The following ZHX2 variants were observed in gnomAD, a reference collection of about 807,000 sequenced individuals.
ZHX2 encodes the protein zinc fingers and homeoboxes protein 2.
Under a neutral mutation model 21.9 loss-of-function variants are expected in ZHX2, and 6 were observed. The observed-to-expected ratio is 0.27, with a 90% CI of 0.15 to 0.54. The LOEUF (loss-of-function observed/expected upper bound fraction) is 0.54, where lower values mean the gene tolerates loss of function less well. Ranked by LOEUF, ZHX2 falls within the 20% of genes least tolerant of loss-of-function variation. The pLI, the probability that ZHX2 is intolerant of heterozygous loss-of-function variation, is 0.95. For synonymous variants in ZHX2, 434 were observed against 437.1 expected, an observed-to-expected ratio of 0.99 and a Z score of 0.09; for missense variants, 908 against 1,090.7, an observed-to-expected ratio of 0.83 and a Z score of 2.36.
chr8:122,881,857 A>C (rs1273738891), intron 2 of ZHX2, among the ~76,000 whole-genome samples: 2 of 152,132 alleles, frequency 1.3e-5, no homozygotes, highest in African/African-American at 2.4e-5. Context: ...GACTCTCACT[A>C]TCCAAAAGTA....
chr8:122,962,300 CAG>C (rs1813476799), intron 3 of ZHX2, among the ~76,000 whole-genome samples: 1 of 152,204 alleles, frequency 6.6e-6, no homozygotes, highest in Admixed American at 6.5e-5. Flanking sequence ...CTGAAGTCCC[CAG>C]AGTCTATTAT....
At chr8:122,793,373 C>T (rs1322005809) in intron 1 of ZHX2, among the ~76,000 whole-genome samples, 1 of 152,190 alleles carries the variant, frequency 6.6e-6, no homozygotes, top group East Asian at 1.9e-4. Context: ...TCATAAGTCC[C>T]AGCCACAGAG....
At chr8:122,940,587 C>T (rs1053980849) in intron 2 of ZHX2, among the ~76,000 whole-genome samples, 5 of 152,294 alleles carry the variant, frequency 3.3e-5, no homozygotes, top group African/African-American at 1.2e-4. Context: ...ACTCATGAAG[C>T]TTTTTTGGTT....
At chr8:122,900,100 G>A (rs1179344723) in intron 2 of ZHX2, among the ~76,000 whole-genome samples, 47 of 152,184 alleles carry the variant, frequency 3.1e-4, no homozygotes. Context: ...CCTATATAGG[G>A]CACTCTGGGA....
chr8:122,876,668 A>G (rs1361266311), intron 2 of ZHX2, among the ~76,000 whole-genome samples: 1 of 152,194 alleles, frequency 6.6e-6, no homozygotes, highest in Non-Finnish European at 1.5e-5. Flanking sequence ...GTAGCGTGAT[A>G]GCATTATTAA....
chr8:122,922,105 C>T (rs1260442826), intron 2 of ZHX2, among the ~76,000 whole-genome samples: 4 of 152,114 alleles, frequency 2.6e-5, no homozygotes, highest in African/African-American at 7.2e-5. Context: ...ATGACTCAGG[C>T]AGCTCCTGCA....
At chr8:122,797,910 G>T (rs1303153768) in intron 1 of ZHX2, among the ~76,000 whole-genome samples, 1 of 152,158 alleles carries the variant, frequency 6.6e-6, no homozygotes, top group Non-Finnish European at 1.5e-5. Context: ...TTACCAGGAG[G>T]GTTCAGCGTG....
At chr8:122,855,675 A>G (rs1819008565) in intron 1 of ZHX2, among the ~76,000 whole-genome samples, 1 of 152,226 alleles carries the variant, frequency 6.6e-6, no homozygotes, top group Admixed American at 6.5e-5. Context: ...AAAGAAGTTT[A>G]GCGAGAATCA....
rs1263067798 is a variant in ZHX2, at chr8:122,782,613, C to T, written c.-283+667C>T. ...AGGCTGCCTCTGCTCTCGTCGCTCC[C>T]GGCGGCTGCAGGCAGCGGGCGCGCA... On this transcript the variant is annotated intron_variant, in intron 1 of 3. Transcript: ENST00000314393. The surrounding 1 kb of genome is among the most constrained non-coding windows in gnomAD (Gnocchi z 5.3). Among the ~76,000 whole-genome samples, 1 of 152,180 alleles carries T rather than the reference C, an allele frequency of 6.6e-6. No individual in the cohort carries two copies. Among genetic ancestry groups the T allele is most frequent in the Non-Finnish European group, 1.5e-5 (1 of 68,002 alleles).
In ZHX2 at chr8:122,793,085, G is replaced by C. The variant is rs566072191; in HGVS notation, c.-283+11139G>C. Among the ~76,000 whole-genome samples the C allele has an allele frequency of 3.3e-5, 5 of 152,284 alleles. No homozygotes were observed. In the South Asian group the frequency reaches 1.0e-3, roughly 32 times the overall value. The stretch of plus-strand genomic sequence containing the variant: ...TGGCTGGACTTGCAGAGCCTGAATC[G>C]CTGCTCACAGGGTTGCTGTGAGAAT... On this transcript the variant is annotated intron_variant, in intron 1 of 3. Coordinates refer to ENST00000314393, the MANE Select transcript of ZHX2 (RefSeq NM_014943.5).
chr8:122,969,116 A>T (rs1813657149), intron 3 of ZHX2, among the ~76,000 whole-genome samples: 1 of 151,778 alleles, frequency 6.6e-6, no homozygotes, highest in African/African-American at 2.4e-5. Context: ...AGCCAAGATC[A>T]TGCCACTGCA....
intron 2 of ZHX2, among the ~76,000 whole-genome samples, chr8:122,926,266 C>T (rs1405690973): frequency 2.6e-5 from 4 of 152,120 alleles, no homozygotes; most frequent in South Asian, 2.1e-4. Flanking sequence ...CTGTTGATGC[C>T]GGTGCGGAAC....
At chr8:122,808,363 A>T (rs1438301786) in intron 1 of ZHX2, among the ~76,000 whole-genome samples, 3 of 152,188 alleles carry the variant, frequency 2.0e-5, no homozygotes, top group African/African-American at 7.2e-5. Context: ...GCCTCAGGAA[A>T]CGTACAATCA....
At chr8:122,897,378 A>G (rs1241908275) in intron 2 of ZHX2, among the ~76,000 whole-genome samples, 1 of 152,200 alleles carries the variant, frequency 6.6e-6, no homozygotes. Context: ...CCATAGTTTC[A>G]TTCTTAAGTT....
At chr8:122,836,710 T>A (rs1818506659) in intron 1 of ZHX2, among the ~76,000 whole-genome samples, 1 of 152,244 alleles carries the variant, frequency 6.6e-6, no homozygotes, top group Non-Finnish European at 1.5e-5. Context: ...GGTACGTGTC[T>A]TCCAGCCAGG....
intron 1 of ZHX2, among the ~76,000 whole-genome samples, chr8:122,784,889 G>A (rs1817362494): frequency 6.6e-6 from 1 of 152,222 alleles, no homozygotes; most frequent in African/African-American, 2.4e-5. Context: ...CTGTTGCAAT[G>A]CAGAGCGCAT....
intron 2 of ZHX2, among the ~76,000 whole-genome samples, chr8:122,924,073 T>C (rs1280515124): frequency 6.6e-6 from 1 of 152,238 alleles, no homozygotes; most frequent in East Asian, 1.9e-4. Context: ...GAAAGATTCC[T>C]GCTTTGCGTG....
chr8:122,790,207 A>C (rs2130532149), intron 1 of ZHX2, among the ~76,000 whole-genome samples: 1 of 152,330 alleles, frequency 6.6e-6, no homozygotes, highest in East Asian at 1.9e-4. Context: ...TCTAGCTGAA[A>C]AAAAATTTAG....
intron 2 of ZHX2, among the ~76,000 whole-genome samples, chr8:122,920,473 CA>C (rs1820712032): frequency 6.6e-6 from 1 of 151,924 alleles, no homozygotes; most frequent in East Asian, 1.9e-4. Context: ...GTTGAATAAC[CA>C]CTACCAACAT....
Sources: gnomAD v4.1 joint callset for allele counts (sites outside exome capture counted in the v4.1 genomes callset) on GRCh38, gnomAD v4.1.1 for gene constraint, Gnocchi (gnomAD v3.1) non-coding constraint, MANE v1.5 for transcripts, NCBI Gene and HGNC (gene_info 2026-07-23, HGNC 2026-07-21) for gene names.